The following ARK2C variants were observed in gnomAD, a reference collection of about 807,000 sequenced individuals.
ARK2C encodes the protein arkadia (RNF111) C-terminal like ring finger ubiquitin ligase 2C.
chr18:46,337,806 T>C, the ARK2C span, among the ~76,000 whole-genome samples: 1 of 111,922 alleles, frequency 8.9e-6, no homozygotes, highest in Non-Finnish European at 2.1e-5. Flanking sequence ...TTTACTTTAC[T>C]TTTTTTTTTT....
At chr18:46,350,131 A>G in the ARK2C span, among the ~76,000 whole-genome samples, 2 of 152,196 alleles carry the variant, frequency 1.3e-5, no homozygotes, top group African/African-American at 4.8e-5. Flanking sequence ...TGTTTCCAGA[A>G]GGTACTGCCT....
chr18:46,435,234 A>C, the ARK2C span: 1 of 1,521,408 alleles, frequency 6.6e-7, no homozygotes, highest in Non-Finnish European at 9.1e-7. Flanking sequence ...AGCTCTTGAG[A>C]ACTAGTGGCC....
chr18:46,433,782 C>T, the ARK2C span, among the ~76,000 whole-genome samples: 2 of 152,208 alleles, frequency 1.3e-5, no homozygotes, highest in African/African-American at 4.8e-5. Flanking sequence ...AGTGTGTGTC[C>T]CCATTGCATC....
the ARK2C span, among the ~76,000 whole-genome samples, chr18:46,343,914 G>A: frequency 2.6e-5 from 4 of 152,350 alleles, no homozygotes; most frequent in Middle Eastern, 3.4e-3. Context: ...TTGACCCCGA[G>A]CTCAAGGCTG....
chr18:46,383,756 GTGTTGGCC>G, the ARK2C span, among the ~76,000 whole-genome samples: 1 of 151,908 alleles, frequency 6.6e-6, no homozygotes. Context: ...GGGTTTCACC[GTGTTGGCC>G]AGGATGGTCT....
chr18:46,456,659 C>A, the ARK2C span: 5 of 1,524,812 alleles, frequency 3.3e-6, no homozygotes, highest in South Asian at 1.1e-5. Flanking sequence ...CCAGTGGACA[C>A]CCCATTTCCT....
the ARK2C span, chr18:46,336,066 T>G: frequency 4.1e-6 from 4 of 985,290 alleles, no homozygotes; most frequent in Non-Finnish European, 4.8e-6. Flanking sequence ...GGAGTGGGTG[T>G]GTGAGGAAGA....
the ARK2C span, chr18:46,458,064 A>T: frequency 6.6e-6 from 1 of 152,278 alleles, no homozygotes; most frequent in Non-Finnish European, 1.5e-5. Flanking sequence ...GAGAGAGAAC[A>T]GTGCAGCCCC....
the ARK2C span, among the ~76,000 whole-genome samples, chr18:46,442,213 T>C: frequency 6.6e-6 from 1 of 152,122 alleles, no homozygotes; most frequent in Non-Finnish European, 1.5e-5. Context: ...TTACTTGTTT[T>C]TTATTTCACT....
the ARK2C span, among the ~76,000 whole-genome samples, chr18:46,365,062 T>G: frequency 6.6e-6 from 1 of 152,224 alleles, no homozygotes; most frequent in African/African-American, 2.4e-5. Flanking sequence ...CCTATAAGTC[T>G]CTGGTTCTCC....
chr18:46,334,790 T>A, the ARK2C span: 3 of 245,794 alleles, frequency 1.2e-5, no homozygotes, highest in Non-Finnish European at 7.3e-6. The surrounding 1 kb of genome is among the most constrained non-coding windows in gnomAD (Gnocchi z 4.4). Context: ...TATATGTGTG[T>A]TTTGTGTTAT....
the ARK2C span, among the ~76,000 whole-genome samples, chr18:46,361,990 C>A: frequency 6.6e-6 from 1 of 152,218 alleles, no homozygotes; most frequent in African/African-American, 2.4e-5. Flanking sequence ...TCATTTATAT[C>A]CCTGAGGATT....
At chr18:46,428,868 A>G in the ARK2C span, among the ~76,000 whole-genome samples, 1 of 152,214 alleles carries the variant, frequency 6.6e-6, no homozygotes, top group African/African-American at 2.4e-5. Flanking sequence ...CCCACATTAT[A>G]ATTCTGTTGG....
chr18:46,370,763 G>C, the ARK2C span, among the ~76,000 whole-genome samples: 1 of 152,196 alleles, frequency 6.6e-6, no homozygotes, highest in African/African-American at 2.4e-5. Flanking sequence ...GTTGGGTTGT[G>C]ACAGAGGTTG....
At chr18:46,374,779 G>A in the ARK2C span, among the ~76,000 whole-genome samples, 1 of 152,194 alleles carries the variant, frequency 6.6e-6, no homozygotes, top group Non-Finnish European at 1.5e-5. Flanking sequence ...GGGGGGGCTA[G>A]AGACCCTACA....
At chr18:46,353,605 G>A in the ARK2C span, among the ~76,000 whole-genome samples, 8 of 152,320 alleles carry the variant, frequency 5.3e-5, no homozygotes, top group African/African-American at 1.9e-4. Context: ...TCTACAAATG[G>A]AAGTGTGTGG....
the ARK2C span, among the ~76,000 whole-genome samples, chr18:46,366,756 G>A: frequency 6.6e-6 from 1 of 152,158 alleles, no homozygotes; most frequent in Non-Finnish European, 1.5e-5. Context: ...GAGATTATGT[G>A]CATTCTTTTA....
chr18:46,452,279 A>G, the ARK2C span, among the ~76,000 whole-genome samples: 2 of 152,060 alleles, frequency 1.3e-5, no homozygotes, highest in Admixed American at 6.6e-5. Context: ...CTTTTTGCTT[A>G]TTATTGTTAT....
chr18:46,354,364 C>T, the ARK2C span, among the ~76,000 whole-genome samples: 1 of 152,218 alleles, frequency 6.6e-6, no homozygotes, highest in Non-Finnish European at 1.5e-5. Flanking sequence ...CAGGTTTGTA[C>T]ACTGCCAGGG....
Sources: allele counts gnomAD v4.1 joint callset (sites outside exome capture counted in the v4.1 genomes callset), GRCh38; gene constraint gnomAD v4.1.1; non-coding constraint Gnocchi (gnomAD v3.1); transcripts MANE v1.5; gene names NCBI Gene and HGNC (gene_info 2026-07-23, HGNC 2026-07-21).